SAMMSON: variants seen among roughly 807,000 people sequenced by gnomAD.
SAMMSON encodes long intergenic non-protein coding RNA 1212.
intron 9 of SAMMSON, among the ~76,000 whole-genome samples, chr3:70,381,688 A>G (rs1025235003): frequency 1.3e-5 from 2 of 152,294 alleles, no homozygotes; most frequent in Middle Eastern, 3.4e-3. Context: ...GGGAGAAAAA[A>G]AAACAAGTTA....
chr3:70,232,698 A>T (rs990217279), intron 4 of SAMMSON, among the ~76,000 whole-genome samples: 1 of 152,132 alleles, frequency 6.6e-6, no homozygotes, highest in African/African-American at 2.4e-5. Flanking sequence ...AAACCCCTCA[A>T]CAAGAGAGGT....
chr3:70,118,277 C>A (rs532892228), intron 4 of SAMMSON, among the ~76,000 whole-genome samples: 1 of 152,258 alleles, frequency 6.6e-6, no homozygotes, highest in East Asian at 1.9e-4. Context: ...CAATTTAGAC[C>A]ATGAGAAGCA....
intron 9 of SAMMSON, among the ~76,000 whole-genome samples, chr3:70,379,805 G>A (rs1456518887): frequency 1.3e-5 from 2 of 152,094 alleles, no homozygotes; most frequent in Admixed American, 1.3e-4. Context: ...AAAGGAAAGC[G>A]TGTTATGCAT....
intron 2 of SAMMSON, among the ~76,000 whole-genome samples, chr3:70,406,081 C>G (rs1024041998): frequency 1.3e-5 from 2 of 152,020 alleles, no homozygotes; most frequent in African/African-American, 4.8e-5. Flanking sequence ...AAAATGTAAA[C>G]TAATGCTTAT....
chr3:70,423,009 T>TA (rs1701324607), intron 2 of SAMMSON, among the ~76,000 whole-genome samples: 1 of 151,802 alleles, frequency 6.6e-6, no homozygotes, highest in African/African-American at 2.4e-5. Context: ...AATGAAGTTG[T>TA]AAAAAACATT....
At chr3:70,164,687 T>A (rs1321954032) in intron 4 of SAMMSON, among the ~76,000 whole-genome samples, 1 of 152,010 alleles carries the variant, frequency 6.6e-6, no homozygotes, top group Non-Finnish European at 1.5e-5. Flanking sequence ...TTTTTTAACC[T>A]CTCTGTGGCT....
intron 6 of SAMMSON, among the ~76,000 whole-genome samples, chr3:70,250,854 C>T (rs1031837859): frequency 3.3e-5 from 5 of 152,074 alleles, no homozygotes; most frequent in Non-Finnish European, 7.4e-5. Flanking sequence ...GTTGAATGGG[C>T]AGACTGTCAA....
At chr3:70,015,441 G>A (rs1467536118) in intron 3 of SAMMSON, 4 of 151,516 alleles carry the variant, frequency 2.6e-5, no homozygotes, top group Non-Finnish European at 5.9e-5. Context: ...TATTTACCCA[G>A]TGTACAGGGA....
chr3:70,015,673 T>TGCAGCACACGAGTGCAGCA (rs560104964), intron 3 of SAMMSON, among the ~76,000 whole-genome samples: 5,319 of 152,170 alleles, frequency 0.035, 308 homozygotes, highest in African/African-American at 0.12. Context: ...CATTAACTCG[T>TGCAGCACACGAGTGCAGCA]CATTTACTTT....
At chr3:70,051,968 T>G (rs1305050588) in intron 3 of SAMMSON, among the ~76,000 whole-genome samples, 1 of 151,938 alleles carries the variant, frequency 6.6e-6, no homozygotes, top group East Asian at 1.9e-4. Flanking sequence ...CATGGTGGCA[T>G]GTGCCTATAG....
intron 4 of SAMMSON, among the ~76,000 whole-genome samples, chr3:70,184,368 C>A (rs1701076028): frequency 6.6e-6 from 1 of 152,176 alleles, no homozygotes; most frequent in African/African-American, 2.4e-5. Context: ...ACCACTTGAT[C>A]TTAGAGTGCT....
intron 6 of SAMMSON, among the ~76,000 whole-genome samples, chr3:70,289,390 C>T (rs1397762843): frequency 6.7e-6 from 1 of 149,810 alleles, no homozygotes; most frequent in Non-Finnish European, 1.5e-5. Flanking sequence ...TATTGGCCCC[C>T]ACTCTCTTCT....
chr3:70,037,499 G>C (rs1227560884), intron 3 of SAMMSON, among the ~76,000 whole-genome samples: 10 of 152,132 alleles, frequency 6.6e-5, no homozygotes, highest in Non-Finnish European at 1.5e-4. Context: ...CAGTCTGAGG[G>C]CTGGGCCAAG....
chr3:70,412,854 C>T (rs1478452063), intron 2 of SAMMSON, among the ~76,000 whole-genome samples: 3 of 151,962 alleles, frequency 2.0e-5, no homozygotes, highest in African/African-American at 7.3e-5. Flanking sequence ...AGTCTGTCAG[C>T]GATTACAATA....
chr3:70,368,842 C>A (rs13314351), intron 9 of SAMMSON, among the ~76,000 whole-genome samples: 1 of 151,218 alleles, frequency 6.6e-6, no homozygotes, highest in African/African-American at 2.4e-5. Context: ...ATTGGCTACC[C>A]TAGGTAATTT....
intron 9 of SAMMSON, among the ~76,000 whole-genome samples, chr3:70,379,188 A>G (rs1410281251): frequency 6.6e-6 from 1 of 151,840 alleles, no homozygotes; most frequent in Non-Finnish European, 1.5e-5. Flanking sequence ...TAATTTTTGT[A>G]TTTTTAGTAG....
intron 3 of SAMMSON, among the ~76,000 whole-genome samples, chr3:70,016,652 G>A (rs2066987183): frequency 1.3e-5 from 2 of 152,132 alleles, no homozygotes; most frequent in Admixed American, 6.5e-5. Flanking sequence ...TAGACATGAA[G>A]TCCTTGCCCA....
At chr3:70,237,187 G>A (rs1329463728) in intron 4 of SAMMSON, among the ~76,000 whole-genome samples, 1 of 152,158 alleles carries the variant, frequency 6.6e-6, no homozygotes, top group Non-Finnish European at 1.5e-5. Flanking sequence ...TTATTAATGG[G>A]AAGCTATATT....
intron 9 of SAMMSON, among the ~76,000 whole-genome samples, chr3:70,386,044 C>CT (rs1249962652): frequency 6.6e-6 from 1 of 152,092 alleles, no homozygotes; most frequent in Non-Finnish European, 1.5e-5. Flanking sequence ...TAGGAGAGTT[C>CT]TTCGCTGTGG....
Sources: gnomAD v4.1 joint callset for allele counts (sites outside exome capture counted in the v4.1 genomes callset) on GRCh38, gnomAD v4.1.1 for gene constraint, MANE v1.5 for transcripts, NCBI Gene and HGNC (gene_info 2026-07-23, HGNC 2026-07-21) for gene names.